BTBD9: variants seen among roughly 807,000 people sequenced by gnomAD.
The protein encoded by BTBD9 is BTB/POZ domain-containing protein 9.
BTBD9 carries 49 observed loss-of-function variants against 64.3 expected under a neutral mutation model. The ratio of observed to expected loss-of-function variants is 0.76; its 90% CI spans 0.61 to 0.97. BTBD9 has a LOEUF of 0.97. BTBD9 is among the 50% of genes least tolerant of loss of function. The pLI is 0.00. For synonymous variants in BTBD9, 260 were observed against 274.7 expected, an observed-to-expected ratio of 0.95 and a Z score of 0.53; for missense variants, 598 against 762.1, an observed-to-expected ratio of 0.78 and a Z score of 2.53.
intron 6 of BTBD9, among the ~76,000 whole-genome samples, chr6:38,504,776 C>G (rs1024558102): frequency 3.3e-5 from 5 of 151,958 alleles, no homozygotes; most frequent in African/African-American, 1.2e-4. Context: ...AAAATGAAAA[C>G]AAAGGGAATG....
In BTBD9 at chr6:38,293,554, A is replaced by C. The variant is rs1239796323; in HGVS notation, c.1265-5093T>G. Among the ~76,000 whole-genome samples, 3 of 152,230 alleles carry C rather than the reference A, an allele frequency of 2.0e-5. No individual in the cohort carries two copies. The East Asian group carries it at 5.8e-4, about 29-fold the overall frequency. On this transcript the variant is annotated intron_variant, in intron 7 of 10. Transcript: ENST00000481247. ...CTGATCTTTGACAAACCTGACAAAA[A>C]CAAGCAACGGGGAAAGGATTCCCTA...
chr6:38,341,615 T>C (rs1355547826), intron 7 of BTBD9, among the ~76,000 whole-genome samples: 1 of 152,104 alleles, frequency 6.6e-6, no homozygotes, highest in Non-Finnish European at 1.5e-5. Flanking sequence ...ATCACCAAAG[T>C]GGAGTGCTAA....
At chr6:38,599,895 T>C (rs1337696545) in intron 1 of BTBD9, among the ~76,000 whole-genome samples, 1 of 152,184 alleles carries the variant, frequency 6.6e-6, no homozygotes, top group African/African-American at 2.4e-5. Flanking sequence ...CCTACCCAGG[T>C]AAGTGAGCAA....
chr6:38,597,686 T>C (rs1008863255), intron 2 of BTBD9, among the ~76,000 whole-genome samples: 18 of 152,206 alleles, frequency 1.2e-4, no homozygotes, highest in African/African-American at 4.3e-4. Flanking sequence ...GGGCACTATT[T>C]GGTCTGGGAA....
chr6:38,200,850 T>C (rs534107488), intron 9 of BTBD9, among the ~76,000 whole-genome samples: 119 of 152,196 alleles, frequency 7.8e-4, no homozygotes, highest in African/African-American at 2.7e-3. Flanking sequence ...GAGGAACTAA[T>C]ACCAATCCTC....
chr6:38,279,078 G>A (rs1250836898), intron 8 of BTBD9, among the ~76,000 whole-genome samples: 2 of 152,100 alleles, frequency 1.3e-5, no homozygotes, highest in African/African-American at 4.8e-5. Flanking sequence ...GTCCTTGACG[G>A]GCACCAACCA....
chr6:38,272,309 T>C (rs9470848), intron 8 of BTBD9, among the ~76,000 whole-genome samples: 107,179 of 152,068 alleles, frequency 0.7, 38,456 homozygotes, highest in African/African-American at 0.83. Context: ...TAAAACACAC[T>C]AATTAAGTAC....
At chr6:38,551,754 G>GT (rs1562329540) in intron 6 of BTBD9, among the ~76,000 whole-genome samples, 3 of 152,164 alleles carry the variant, frequency 2.0e-5, no homozygotes, top group Non-Finnish European at 4.4e-5. Context: ...CCACTCAAAG[G>GT]TTTTACACCG....
At chr6:38,590,904 TC>T (rs1776763972) in intron 4 of BTBD9, among the ~76,000 whole-genome samples, 2 of 152,202 alleles carry the variant, frequency 1.3e-5, no homozygotes, top group African/African-American at 4.8e-5. Context: ...CCTTGAATCA[TC>T]AAGATCTATT....
At chr6:38,473,925 G>T (rs1004062957) in intron 6 of BTBD9, among the ~76,000 whole-genome samples, 1 of 152,138 alleles carries the variant, frequency 6.6e-6, no homozygotes, top group African/African-American at 2.4e-5. Flanking sequence ...TAGGGGAAGA[G>T]TATTCTAGAA....
At chr6:38,515,834 T>G (rs1446220098) in intron 6 of BTBD9, among the ~76,000 whole-genome samples, 1 of 152,214 alleles carries the variant, frequency 6.6e-6, no homozygotes, top group African/African-American at 2.4e-5. Context: ...AAGTACTACT[T>G]GACGCACCAA....
At chr6:38,551,494 A>T (rs1774800986) in intron 6 of BTBD9, among the ~76,000 whole-genome samples, 1 of 152,154 alleles carries the variant, frequency 6.6e-6, no homozygotes, top group Admixed American at 6.5e-5. Context: ...ATCCCTTTAT[A>T]TTATTCTTAT....
chr6:38,380,782 C>A (rs2127614473), intron 6 of BTBD9, among the ~76,000 whole-genome samples: 1 of 152,240 alleles, frequency 6.6e-6, no homozygotes, highest in Admixed American at 6.5e-5. Context: ...GAGCTCTAGG[C>A]TGCAGTGAGC....
At chr6:38,358,035 C>G (rs1764801689) in intron 6 of BTBD9, among the ~76,000 whole-genome samples, 1 of 152,114 alleles carries the variant, frequency 6.6e-6, no homozygotes, top group African/African-American at 2.4e-5. Flanking sequence ...TTCTCTCTCT[C>G]TCTCTAAAAG....
chr6:38,261,501 T>G (rs1418687282), intron 8 of BTBD9, among the ~76,000 whole-genome samples: 3 of 152,238 alleles, frequency 2.0e-5, no homozygotes, highest in African/African-American at 7.2e-5. Flanking sequence ...ATTTGATAGC[T>G]GAAATATCTT....
rs548696527 is a variant in BTBD9, at chr6:38,351,269, G to C, written c.1155-6176C>G. 7.2e-5 allele frequency among the ~76,000 whole-genome samples: 11 copies of C among 152,274 alleles called. No individual in the cohort carries two copies. The East Asian group carries it at 2.1e-3, about 29-fold the overall frequency. ...TAAACACTACACACAGGGCTAAGCA[G>C]AGGCTACTGTCTCAGAGAGCAGCCT... On this transcript the variant is annotated intron_variant, in intron 6 of 10. Coordinates refer to ENST00000481247, the MANE Select transcript of BTBD9 (RefSeq NM_001099272.2).
intron 7 of BTBD9, among the ~76,000 whole-genome samples, chr6:38,343,372 G>A (rs527335955): frequency 3.2e-4 from 48 of 152,314 alleles, no homozygotes; most frequent in South Asian, 2.5e-3. Flanking sequence ...AGAGGGGGCT[G>A]ACTGATGTAG....
intron 6 of BTBD9, among the ~76,000 whole-genome samples, chr6:38,389,626 G>A (rs1294223605): frequency 6.6e-6 from 1 of 152,110 alleles, no homozygotes; most frequent in Non-Finnish European, 1.5e-5. Context: ...CAAATGCATA[G>A]ATATCCAAAT....
intron 5 of BTBD9, among the ~76,000 whole-genome samples, chr6:38,578,069 A>G (rs900074056): frequency 6.6e-6 from 1 of 152,184 alleles, no homozygotes; most frequent in African/African-American, 2.4e-5. Flanking sequence ...CCTATACCAT[A>G]TTAGAAGATA....
Sources: gnomAD v4.1 joint callset for allele counts (sites outside exome capture counted in the v4.1 genomes callset) on GRCh38, gnomAD v4.1.1 for gene constraint, MANE v1.5 for transcripts, NCBI Gene and HGNC (gene_info 2026-07-23, HGNC 2026-07-21) for gene names.